TEX264: variants seen among roughly 807,000 people sequenced by gnomAD.
TEX264 encodes the protein testis expressed 264, ER-phagy receptor.
TEX264 carries 13 observed loss-of-function variants against 23.4 expected under a neutral mutation model. The ratio of observed to expected loss-of-function variants is 0.56; its 90% CI spans 0.36 to 0.88. The LOEUF (loss-of-function observed/expected upper bound fraction) is 0.88. Among genes scored for constraint, TEX264 ranks in the 40% least tolerant of loss-of-function variants. The pLI is 0.01. For missense variants in TEX264, 340 were observed against 406.8 expected (o/e 0.84, Z 1.41); for synonymous variants, 159 against 170.0 (o/e 0.94, Z 0.50).
intron 1 of TEX264, 54 bp downstream of exon 1, chr3:51,671,342 C>G (rs947831903): frequency 1.3e-5 from 2 of 152,314 alleles, no homozygotes; most frequent in Non-Finnish European, 2.9e-5. Context: ...GTCTGGGACT[C>G]CCCCTGTCCG....
At chr3:51,700,441 G>A (rs1703249079) in intron 4 of TEX264, among the ~76,000 whole-genome samples, 1 of 152,050 alleles carries the variant, frequency 6.6e-6, no homozygotes, top group Non-Finnish European at 1.5e-5. Context: ...GGTATTGGGA[G>A]CAGTCTCTAC....
intron 3 of TEX264, among the ~76,000 whole-genome samples, chr3:51,690,210 C>T (rs964952272): frequency 2.6e-5 from 4 of 152,140 alleles, no homozygotes; most frequent in African/African-American, 9.7e-5. Context: ...AACACCAGTG[C>T]AGAGCAACAA....
At chr3:51,688,185 A>C (rs1038308283) in intron 3 of TEX264, among the ~76,000 whole-genome samples, 6 of 152,226 alleles carry the variant, frequency 3.9e-5, no homozygotes, top group Non-Finnish European at 7.3e-5. Context: ...CCCAAGTCCC[A>C]GGAAAGGGGT....
At chr3:51,674,891 T>C (rs995326393) in intron 2 of TEX264, among the ~76,000 whole-genome samples, 1 of 152,168 alleles carries the variant, frequency 6.6e-6, no homozygotes, top group Non-Finnish European at 1.5e-5. Context: ...CATCCCTCCT[T>C]CCATCTCCAT....
At chr3:51,694,022 C>G (rs956743968) in intron 3 of TEX264, among the ~76,000 whole-genome samples, 3 of 143,146 alleles carry the variant, frequency 2.1e-5, no homozygotes, top group African/African-American at 7.8e-5. Flanking sequence ...TTCCTTCCTT[C>G]CTTCCTTCCT....
At chr3:51,694,108 C>T (rs917633312) in intron 3 of TEX264, among the ~76,000 whole-genome samples, 1 of 144,596 alleles carries the variant, frequency 6.9e-6, no homozygotes, top group Non-Finnish European at 1.5e-5. Flanking sequence ...TCCTTCCTTC[C>T]TTCCTTCCTT....
chr3:51,699,120 A>T (rs1261519780), intron 3 of TEX264, among the ~76,000 whole-genome samples: 2 of 152,126 alleles, frequency 1.3e-5, no homozygotes, highest in Non-Finnish European at 2.9e-5. Context: ...TTGGTCTCAG[A>T]TGTACACATA....
chr3:51,674,811 T>C (rs1398462185), intron 2 of TEX264, among the ~76,000 whole-genome samples: 2 of 152,216 alleles, frequency 1.3e-5, no homozygotes, highest in African/African-American at 2.4e-5. Flanking sequence ...GATTTCCAAA[T>C]GCAGTGGACT....
intron 2 of TEX264, among the ~76,000 whole-genome samples, chr3:51,679,943 G>A (rs1172060266): frequency 6.6e-6 from 1 of 152,178 alleles, no homozygotes; most frequent in Non-Finnish European, 1.5e-5. Context: ...GGGAAGTTGG[G>A]GGTTGGCGTG....
intron 2 of TEX264, among the ~76,000 whole-genome samples, chr3:51,676,684 A>G (rs1444184034): frequency 6.6e-6 from 1 of 152,238 alleles, no homozygotes; most frequent in Non-Finnish European, 1.5e-5. Flanking sequence ...GCTTCATAGT[A>G]GACTGAGAAG....
At chr3:51,678,559 A>AGGT (rs1349826485) in intron 2 of TEX264, among the ~76,000 whole-genome samples, 2 of 152,140 alleles carry the variant, frequency 1.3e-5, no homozygotes, top group Non-Finnish European at 1.5e-5. Flanking sequence ...ACTACCTAGG[A>AGGT]GGTGGTGTTT....
At chr3:51,683,831 A>G (rs1205719171) in intron 2 of TEX264, 3 of 153,770 alleles carry the variant, frequency 2.0e-5, no homozygotes, top group African/African-American at 4.8e-5. Context: ...TTCCTAGGGC[A>G]TGACCGTGGA....
chr3:51,696,884 G>A (rs1448990111), intron 3 of TEX264, among the ~76,000 whole-genome samples: 1 of 152,214 alleles, frequency 6.6e-6, no homozygotes. Context: ...GGGCCCCCAG[G>A]TAACAGCAGG....
At chr3:51,699,284 G>C in intron 3 of TEX264, 122 bp from the exon 4 acceptor site, 1 of 1,020,128 alleles carries the variant, frequency 9.8e-7, no homozygotes, top group Non-Finnish European at 1.5e-6. Flanking sequence ...CTTGGAAGAG[G>C]TTGAGAGGCA....
Position 51,684,421 on chromosome 3 carries a change from T to C in TEX264, c.267T>C (p.Pro89=), listed in dbSNP as rs1292262078. ...VYYDNPHMVP[P]DKCRCAVGSI... is the part of the protein sequence containing the mutation. Reference sequence around the variant, plus strand: ...ATGCTTTGCTTCCCCAGGTGCCCCCTGATAAGTGCCGATGTGCCGTGGGCA... The same window carrying C: ...ATGCTTTGCTTCCCCAGGTGCCCCCCGATAAGTGCCGATGTGCCGTGGGCA... The change falls in exon 3 of 5, where the codon CCT becomes CCC. Residue 89 remains proline (P), a synonymous_variant. Transcript: ENST00000341333. 6.2e-7 allele frequency: 1 copy of C among 1,613,934 alleles called. No homozygotes were observed. Among genetic ancestry groups the C allele is most frequent in the Non-Finnish European group, 8.5e-7 (1 of 1,179,934 alleles).
At chr3:51,701,706 A>T (rs1185763024) in intron 4 of TEX264, among the ~76,000 whole-genome samples, 3 of 152,128 alleles carry the variant, frequency 2.0e-5, no homozygotes, top group Admixed American at 6.5e-5. Context: ...ATCTTGGCTC[A>T]CTGCAACCTC....
intron 1 of TEX264, among the ~76,000 whole-genome samples, chr3:51,673,650 G>A (rs1702129291): frequency 6.6e-6 from 1 of 152,200 alleles, no homozygotes; most frequent in African/African-American, 2.4e-5. Context: ...TTCTGGATGG[G>A]TAAGCTTGCT....
chr3:51,677,455 C>T (rs1702269768), intron 2 of TEX264, among the ~76,000 whole-genome samples: 2 of 152,182 alleles, frequency 1.3e-5, no homozygotes, highest in South Asian at 4.1e-4. Flanking sequence ...GTCCCACCCC[C>T]ACTGTGTCCT....
At chr3:51,695,063 G>GC (rs1257175150) in intron 3 of TEX264, among the ~76,000 whole-genome samples, 1 of 152,222 alleles carries the variant, frequency 6.6e-6, no homozygotes, top group Non-Finnish European at 1.5e-5. Context: ...CTGTGTGCAG[G>GC]CAGGTGCATG....
Sources: allele counts gnomAD v4.1 joint callset (sites outside exome capture counted in the v4.1 genomes callset), GRCh38; gene constraint gnomAD v4.1.1; transcripts MANE v1.5; gene names NCBI Gene and HGNC (gene_info 2026-07-23, HGNC 2026-07-21).